Variants in FBXL13 observed in about 807,000 individuals in gnomAD.
The protein encoded by FBXL13 is F-box and leucine-rich repeat protein 13.
FBXL13 carries 67 observed loss-of-function variants against 83.6 expected under a neutral mutation model. The ratio of observed to expected loss-of-function variants is 0.80; its 90% CI spans 0.66 to 0.98. The LOEUF is 0.98. FBXL13 is among the 50% of genes least tolerant of loss of function. FBXL13 has a pLI of 0.00. For missense variants in FBXL13, 822 were observed against 866.5 expected, an observed-to-expected ratio of 0.95 and a Z score of 0.64; for synonymous variants, 272 against 299.5, an observed-to-expected ratio of 0.91 and a Z score of 0.95.
chr7:102,952,460 G>C (rs753923617), intron 8 of FBXL13, among the ~76,000 whole-genome samples: 33 of 152,064 alleles, frequency 2.2e-4, no homozygotes, highest in Non-Finnish European at 4.4e-4. Flanking sequence ...CAAGAGGAAA[G>C]ACTAATATTA....
intron 17 of FBXL13, among the ~76,000 whole-genome samples, chr7:102,834,072 GGAAGGAA>G: frequency 9.1e-6 from 1 of 109,316 alleles, no homozygotes; most frequent in African/African-American, 4.4e-5. Flanking sequence ...AAGGAAGGAA[GGAAGGAA>G]GGAAAGAAAA....
rs570716703 is a variant in FBXL13 at position 102,893,781 on chromosome 7, A to G, written c.1009-9469T>C. Among the ~76,000 whole-genome samples, 14 of 150,162 alleles carry G rather than the reference A, an allele frequency of 9.3e-5. No individual in the cohort carries two copies. The South Asian group carries it at 1.5e-3, about 16-fold the overall frequency. ...AGACTCTGTCTCAAAAAAAAAAAAA[A>G]AAAGAAAGAAAGGAGAAGGATGAGG... On this transcript the variant is annotated intron_variant, in intron 11 of 19. Transcript: ENST00000313221.
intron 18 of FBXL13, 36 bp downstream of exon 19, chr7:102,832,804 A>C: frequency 6.2e-7 from 1 of 1,612,830 alleles, no homozygotes; most frequent in Non-Finnish European, 8.5e-7. Flanking sequence ...GCAGTGCTTA[A>C]ATTGGATGTG....
intron 8 of FBXL13, chr7:102,934,758 C>T: frequency 2.4e-6 from 3 of 1,271,754 alleles, no homozygotes; most frequent in East Asian, 2.3e-5. Context: ...ATCCTCCCTA[C>T]ATCCCACCAT....
chr7:102,932,561 TACA>T (rs1819406447), intron 8 of FBXL13, among the ~76,000 whole-genome samples: 32 of 152,066 alleles, frequency 2.1e-4, no homozygotes, highest in South Asian at 4.2e-4. Flanking sequence ...ATAGTTGACA[TACA>T]GAATACAATA....
intron 6 of FBXL13, among the ~76,000 whole-genome samples, chr7:103,018,626 A>G (rs1053182578): frequency 2.0e-5 from 3 of 152,198 alleles, no homozygotes; most frequent in African/African-American, 7.2e-5. Context: ...GGGATGGAGG[A>G]AGATCTACCA....
At chr7:102,852,624 A>G (rs1176834825) in intron 17 of FBXL13, among the ~76,000 whole-genome samples, 2 of 152,242 alleles carry the variant, frequency 1.3e-5, no homozygotes, top group African/African-American at 2.4e-5. Context: ...AATGTAAACC[A>G]AAACCACAAT....
chr7:102,846,347 G>T (rs1803943756), intron 17 of FBXL13, among the ~76,000 whole-genome samples: 1 of 152,180 alleles, frequency 6.6e-6, no homozygotes, highest in South Asian at 2.1e-4. Flanking sequence ...GGCTGGGCAT[G>T]GTGGCTGATG....
downstream of FBXL13, among the ~76,000 whole-genome samples, chr7:102,811,234 A>C (rs1797415266): frequency 6.6e-6 from 1 of 152,256 alleles, no homozygotes; most frequent in Non-Finnish European, 1.5e-5. Context: ...TACTAATGGA[A>C]TTGTACATAT....
At chr7:102,941,524 TG>T (rs1398890215) in intron 8 of FBXL13, among the ~76,000 whole-genome samples, 4 of 152,160 alleles carry the variant, frequency 2.6e-5, no homozygotes, top group Admixed American at 6.5e-5. Context: ...CAGCTCTGCA[TG>T]AATTACTCTT....
At chr7:102,888,800 A>T (rs961562074) in intron 11 of FBXL13, among the ~76,000 whole-genome samples, 1 of 151,966 alleles carries the variant, frequency 6.6e-6, no homozygotes, top group African/African-American at 2.4e-5. Context: ...TCCAGGGGAG[A>T]GGAATGAGCC....
At chr7:102,915,021 GA>G (rs1479142226) in intron 10 of FBXL13, among the ~76,000 whole-genome samples, 1 of 152,000 alleles carries the variant, frequency 6.6e-6, no homozygotes. Flanking sequence ...CAAGGTTTTT[GA>G]ATCCGGCCAA....
intron 6 of FBXL13, among the ~76,000 whole-genome samples, chr7:102,971,577 A>C (rs900598732): frequency 5.6e-5 from 8 of 141,840 alleles, no homozygotes; most frequent in Non-Finnish European, 9.1e-5. Context: ...CTAGGCAATA[A>C]GAGCGAAACT....
chr7:102,877,666 C>T, intron 15 of FBXL13, 73 bp from the exon 17 acceptor site: 3 of 1,485,518 alleles, frequency 2.0e-6, no homozygotes, highest in Non-Finnish European at 2.7e-6. Flanking sequence ...CATATAAAAA[C>T]TATCTTGGGA....
chr7:102,862,959 C>T (rs879893806), intron 16 of FBXL13, among the ~76,000 whole-genome samples: 16 of 152,204 alleles, frequency 1.1e-4, no homozygotes, highest in South Asian at 6.2e-4. Flanking sequence ...TTGACCACTT[C>T]AGCCATCTCT....
intron 17 of FBXL13, among the ~76,000 whole-genome samples, chr7:102,842,985 C>T (rs1034770369): frequency 2.6e-5 from 4 of 152,226 alleles, no homozygotes; most frequent in Non-Finnish European, 5.9e-5. Context: ...ATGGCTGCCG[C>T]CCTTCCCAGT....
intron 1 of FBXL13, among the ~76,000 whole-genome samples, chr7:103,061,954 A>C (rs1476801099): frequency 1.3e-5 from 2 of 151,160 alleles, no homozygotes; most frequent in African/African-American, 2.4e-5. Flanking sequence ...AAAAAAAAAA[A>C]AAACCTGATT....
chr7:102,825,397 AT>A (rs1267581781), intron 18 of FBXL13, among the ~76,000 whole-genome samples: 1 of 152,200 alleles, frequency 6.6e-6, no homozygotes, highest in African/African-American at 2.4e-5. Flanking sequence ...TTGCCATGCG[AT>A]TCCCTGCGTT....
At chr7:102,869,523 C>T (rs544620133) in intron 16 of FBXL13, among the ~76,000 whole-genome samples, 2 of 151,918 alleles carry the variant, frequency 1.3e-5, no homozygotes, top group East Asian at 1.9e-4. Flanking sequence ...CCTGTGTTTT[C>T]GAGGTACCAT....
Sources: allele counts gnomAD v4.1 joint callset (sites outside exome capture counted in the v4.1 genomes callset), GRCh38; gene constraint gnomAD v4.1.1; transcripts MANE v1.5; gene names NCBI Gene and HGNC (gene_info 2026-07-23, HGNC 2026-07-21).